CNTNAP5: variants seen among roughly 807,000 people sequenced by gnomAD.
The protein encoded by CNTNAP5 is contactin-associated protein-like 5.
Under a neutral mutation model 150.2 loss-of-function variants are expected in CNTNAP5, and 72 were observed. The ratio of observed to expected loss-of-function variants is 0.48; its 90% CI spans 0.40 to 0.58. The LOEUF (loss-of-function observed/expected upper bound fraction) is 0.58. CNTNAP5 is among the 20% of genes least tolerant of loss of function. The pLI is 0.00. For missense variants in CNTNAP5, 1,636 were observed against 1,626.2 expected (o/e 1.01, Z -0.10); for synonymous variants, 672 against 619.8 (o/e 1.08, Z -1.25).
chr2:124,747,070 A>G (rs1319902549), intron 13 of CNTNAP5, among the ~76,000 whole-genome samples, 159 bp from the exon 14 acceptor site: 1 of 152,112 alleles, frequency 6.6e-6, no homozygotes, highest in East Asian at 1.9e-4. Context: ...AAAGCAAGCA[A>G]AGGGAAGGGG....
At chr2:124,670,986 T>C (rs1180056041) in intron 13 of CNTNAP5, among the ~76,000 whole-genome samples, 1 of 152,194 alleles carries the variant, frequency 6.6e-6, no homozygotes, top group Non-Finnish European at 1.5e-5. Context: ...TCATGTGTGA[T>C]TGTATTTTCC....
intron 3 of CNTNAP5, among the ~76,000 whole-genome samples, chr2:124,348,393 T>C (rs1689792890): frequency 6.6e-6 from 1 of 152,206 alleles, no homozygotes; most frequent in Non-Finnish European, 1.5e-5. Flanking sequence ...CATCCTCGTT[T>C]TGTTTCTAAA....
chr2:124,383,744 T>C (rs1228974750), intron 3 of CNTNAP5, among the ~76,000 whole-genome samples: 2 of 152,244 alleles, frequency 1.3e-5, no homozygotes, highest in Admixed American at 6.5e-5. Context: ...TGGCACTCCA[T>C]GAATCATAAC....
At chr2:124,467,678 A>G (rs1367454694) in intron 6 of CNTNAP5, among the ~76,000 whole-genome samples, 2 of 152,162 alleles carry the variant, frequency 1.3e-5, no homozygotes, top group Admixed American at 1.3e-4. Flanking sequence ...CTCCAGTCTA[A>G]TTTAATCTGA....
intron 1 of CNTNAP5, among the ~76,000 whole-genome samples, chr2:124,056,916 T>G (rs1360052609): frequency 6.6e-6 from 1 of 152,190 alleles, no homozygotes; most frequent in Non-Finnish European, 1.5e-5. Context: ...TTCTCAGCAT[T>G]TTCTCCAAGT....
intron 10 of CNTNAP5, among the ~76,000 whole-genome samples, chr2:124,546,662 G>T (rs913568379): frequency 9.2e-5 from 14 of 152,132 alleles, no homozygotes; most frequent in Non-Finnish European, 1.9e-4. Flanking sequence ...GAGAACTCAG[G>T]AGTCATAAGC....
intron 3 of CNTNAP5, among the ~76,000 whole-genome samples, chr2:124,247,851 G>A (rs759190004): frequency 1.3e-4 from 20 of 152,060 alleles, no homozygotes; most frequent in Non-Finnish European, 1.8e-4. Flanking sequence ...ACACTTCTCT[G>A]TTTTAATTTT....
chr2:124,312,127 A>G (rs1688845114), intron 3 of CNTNAP5, among the ~76,000 whole-genome samples: 1 of 152,238 alleles, frequency 6.6e-6, no homozygotes, highest in Non-Finnish European at 1.5e-5. Context: ...TGTGAGCCAT[A>G]AAACCAGCAT....
chr2:124,656,208 C>G (rs769423117), intron 13 of CNTNAP5, among the ~76,000 whole-genome samples: 9 of 152,064 alleles, frequency 5.9e-5, no homozygotes, highest in Non-Finnish European at 8.8e-5. Flanking sequence ...GTCAACTACC[C>G]TAAGAAATGC....
intron 13 of CNTNAP5, among the ~76,000 whole-genome samples, chr2:124,728,117 A>G (rs991361847): frequency 2.0e-5 from 3 of 152,012 alleles, no homozygotes; most frequent in Non-Finnish European, 4.4e-5. Flanking sequence ...ATTGATTTGT[A>G]TATGTTGAAC....
intron 19 of CNTNAP5, among the ~76,000 whole-genome samples, chr2:124,862,626 A>G (rs1438172071): frequency 7.2e-5 from 11 of 152,184 alleles, no homozygotes; most frequent in Admixed American, 7.2e-4. Flanking sequence ...GAACCACTGG[A>G]GTGCACAGCT....
intron 14 of CNTNAP5, 67 bp from the exon 15 acceptor site, chr2:124,763,605 T>C: frequency 6.7e-7 from 1 of 1,491,526 alleles, no homozygotes; most frequent in Non-Finnish European, 9.1e-7. Flanking sequence ...AAAAGAGGGG[T>C]CATGGAAAAG....
chr2:124,353,687 T>G (rs551387008), intron 3 of CNTNAP5, among the ~76,000 whole-genome samples: 1 of 152,310 alleles, frequency 6.6e-6, no homozygotes, highest in South Asian at 2.1e-4. Context: ...AGCAGTGATA[T>G]CTGTACAAGC....
At chr2:124,132,849 T>A (rs1683886827) in intron 1 of CNTNAP5, among the ~76,000 whole-genome samples, 1 of 152,134 alleles carries the variant, frequency 6.6e-6, no homozygotes, top group South Asian at 2.1e-4. Flanking sequence ...AATCTATGTG[T>A]CCATTTCTCA....
At chr2:124,419,248 C>T (rs1692019868) in intron 4 of CNTNAP5, among the ~76,000 whole-genome samples, 1 of 148,348 alleles carries the variant, frequency 6.7e-6, no homozygotes, top group South Asian at 2.1e-4. Flanking sequence ...TCTTATTACT[C>T]TTTAACATGT....
At chr2:124,674,702 C>A (rs1195287926) in intron 13 of CNTNAP5, among the ~76,000 whole-genome samples, 1 of 151,436 alleles carries the variant, frequency 6.6e-6, no homozygotes, top group East Asian at 1.9e-4. Context: ...TCTTTTGTTT[C>A]AAAGTTTTTC....
intron 1 of CNTNAP5, among the ~76,000 whole-genome samples, chr2:124,081,586 A>T (rs2104675075): frequency 6.6e-6 from 1 of 152,308 alleles, no homozygotes; most frequent in African/African-American, 2.4e-5. Context: ...ACTTCTAGAA[A>T]ATGTGAATGA....
chr2:124,385,250 A>T (rs899070504), intron 3 of CNTNAP5, among the ~76,000 whole-genome samples: 1 of 152,248 alleles, frequency 6.6e-6, no homozygotes, highest in Admixed American at 6.5e-5. Flanking sequence ...TACGGCAGGC[A>T]TTAATGGGAG....
chr2:124,116,859 C>G (rs747775045), intron 1 of CNTNAP5, among the ~76,000 whole-genome samples: 13 of 152,182 alleles, frequency 8.5e-5, no homozygotes, highest in Non-Finnish European at 1.9e-4. Flanking sequence ...CTAACTGGGT[C>G]CTTCATCCCA....
Sources: gnomAD v4.1 joint callset for allele counts (sites outside exome capture counted in the v4.1 genomes callset) on GRCh38, gnomAD v4.1.1 for gene constraint, MANE v1.5 for transcripts, NCBI Gene and HGNC (gene_info 2026-07-23, HGNC 2026-07-21) for gene names.